The following NRG2 variants were observed in gnomAD, a reference collection of about 807,000 sequenced individuals.
The protein encoded by NRG2 is neuregulin 2, also known as pro-neuregulin-2, membrane-bound isoform.
Under a neutral mutation model 73.9 loss-of-function variants are expected in NRG2, and 27 were observed. That is an observed-to-expected ratio of 0.37 (90% CI 0.27 to 0.50). The LOEUF is 0.50. NRG2 is among the 20% of genes least tolerant of loss of function. NRG2 has a pLI of 0.96. For missense variants in NRG2, 1,126 were observed against 1,210.1 expected (o/e 0.93, Z 1.03); for synonymous variants, 532 against 541.0 (o/e 0.98, Z 0.23).
At chr5:139,983,125 C>A (rs1737754627) in intron 1 of NRG2, among the ~76,000 whole-genome samples, 1 of 152,176 alleles carries the variant, frequency 6.6e-6, no homozygotes, top group South Asian at 2.1e-4. Flanking sequence ...TCATAGGATT[C>A]TCCTTGATTC....
chr5:139,882,374 G>T (rs1394941128), intron 2 of NRG2, among the ~76,000 whole-genome samples: 5 of 152,198 alleles, frequency 3.3e-5, no homozygotes. Context: ...CAACAAGGGT[G>T]CTACAAGATG....
intron 3 of NRG2, among the ~76,000 whole-genome samples, chr5:139,875,109 T>C (rs1002352476): frequency 6.6e-6 from 1 of 152,186 alleles, no homozygotes; most frequent in Non-Finnish European, 1.5e-5. Flanking sequence ...CCTCCCGGGT[T>C]CAAGCAATTC....
rs1005794158 is a variant in NRG2 at position 139,856,161 on chromosome 5, A to G, written c.1190-383T>C. 4 of 233,972 alleles carry G rather than the reference A, an allele frequency of 1.7e-5. No individual in the cohort carries two copies. Among genetic ancestry groups the G allele is most frequent in the Non-Finnish European group, 3.5e-5 (4 of 115,310 alleles). The allele number at this position is 233,972 out of a possible 1,614,324, so 14.5% of individuals were successfully genotyped here. On this transcript the variant is annotated intron_variant, in intron 5 of 9. Coordinates refer to ENST00000361474, the MANE Select transcript of NRG2 (RefSeq NM_004883.3). This position sits in a 1 kb window ranked among gnomAD's most constrained non-coding sequence, Gnocchi z 4.2. ...GGCCGGTGACCCTGCCCTGCTCCAC[A>G]GTGGCCTGGTAGCTGCAAAGAACCT... is the stretch of plus-strand genomic sequence containing the variant.
chr5:139,905,461 C>T (rs1765167406), intron 1 of NRG2, among the ~76,000 whole-genome samples: 1 of 152,202 alleles, frequency 6.6e-6, no homozygotes, highest in South Asian at 2.1e-4. Flanking sequence ...AGGAAGGGTC[C>T]GAAGGCCTCT....
chr5:139,951,798 C>T (rs961902264), intron 1 of NRG2, among the ~76,000 whole-genome samples: 1 of 152,232 alleles, frequency 6.6e-6, no homozygotes, highest in African/African-American at 2.4e-5. Flanking sequence ...CCTCCTATGG[C>T]ACGCCCTCCC....
chr5:139,980,023 CA>C (rs1412257252), intron 1 of NRG2, among the ~76,000 whole-genome samples: 1 of 152,160 alleles, frequency 6.6e-6, no homozygotes, highest in Non-Finnish European at 1.5e-5. Flanking sequence ...CAAAACAAAG[CA>C]AAACCCTCAG....
chr5:139,938,914 AAAG>A (rs1753107154), intron 1 of NRG2, among the ~76,000 whole-genome samples: 17 of 106,640 alleles, frequency 1.6e-4, no homozygotes, highest in Admixed American at 4.9e-4. Flanking sequence ...GAAAAGAAAG[AAAG>A]AAAGAAAGAA....
At chr5:139,943,313 A>T (rs927752211) in intron 1 of NRG2, among the ~76,000 whole-genome samples, 4 of 150,460 alleles carry the variant, frequency 2.7e-5, no homozygotes, top group South Asian at 2.1e-4. Context: ...TGCCTGGCTA[A>T]TTTTTTTTGT....
At position 140,002,805 on chromosome 5, in the gene NRG2, T is replaced by C. The variant is rs765912602; in HGVS notation, c.700+39565A>G. Among the ~76,000 whole-genome samples the C allele has an allele frequency of 1.1e-4, 16 of 152,306 alleles. 1 individual carries two copies. The highest frequency in any genetic ancestry group is 6.8e-3 in the Middle Eastern group (2 of 294). Reference sequence around the variant, plus strand: ...GAAGCAGAGAGACCAATTTGAAGGCTATTAAAACAACTAGGCAAGAGATAA... The same window carrying C: ...GAAGCAGAGAGACCAATTTGAAGGCCATTAAAACAACTAGGCAAGAGATAA... On this transcript the variant is annotated intron_variant, in intron 1 of 9. Transcript: ENST00000361474.
chr5:139,964,360 AC>A (rs1755323015), intron 1 of NRG2, among the ~76,000 whole-genome samples: 1 of 93,456 alleles, frequency 1.1e-5, no homozygotes, highest in African/African-American at 6.0e-5. Flanking sequence ...ATACAGATAC[AC>A]ACACACACAC....
intron 1 of NRG2, among the ~76,000 whole-genome samples, chr5:139,936,091 C>T (rs1296125182): frequency 6.6e-6 from 1 of 151,632 alleles, no homozygotes; most frequent in East Asian, 1.9e-4. Flanking sequence ...AGAAAGGTTT[C>T]AATCAGTGAA....
At chr5:139,964,385 C>T (rs577964309) in intron 1 of NRG2, among the ~76,000 whole-genome samples, 2 of 150,704 alleles carry the variant, frequency 1.3e-5, no homozygotes, top group Admixed American at 6.6e-5. Flanking sequence ...CACACACACA[C>T]ACACACGGAT....
At chr5:139,953,394 G>A (rs1323233014) in intron 1 of NRG2, among the ~76,000 whole-genome samples, 1 of 152,150 alleles carries the variant, frequency 6.6e-6, no homozygotes. Flanking sequence ...ATGAAGCCAG[G>A]CATTCTGGAT....
chr5:139,872,298 T>C (rs1762910314), intron 3 of NRG2, among the ~76,000 whole-genome samples: 1 of 152,186 alleles, frequency 6.6e-6, no homozygotes, highest in African/African-American at 2.4e-5. Flanking sequence ...TGGGCTCTCA[T>C]GGTGGACCAG....
intron 1 of NRG2, among the ~76,000 whole-genome samples, chr5:140,025,212 C>A (rs1760591249): frequency 6.6e-6 from 1 of 152,176 alleles, no homozygotes; most frequent in Non-Finnish European, 1.5e-5. Context: ...CTTCTGCTTG[C>A]TGGATTCAGA....
At chr5:139,971,191 G>A (rs1220165009) in intron 1 of NRG2, among the ~76,000 whole-genome samples, 1 of 152,150 alleles carries the variant, frequency 6.6e-6, no homozygotes, top group African/African-American at 2.4e-5. Context: ...GGCCCTTAAA[G>A]TTTCCCTGAG....
intron 1 of NRG2, among the ~76,000 whole-genome samples, chr5:139,965,025 A>G (rs1182538626): frequency 1.3e-5 from 2 of 152,226 alleles, no homozygotes; most frequent in Non-Finnish European, 2.9e-5. Flanking sequence ...ATGCACGGGC[A>G]CTAGGATTTT....
chr5:139,984,194 G>C (rs71581523), intron 1 of NRG2, among the ~76,000 whole-genome samples: 5,503 of 152,088 alleles, frequency 0.036, 136 homozygotes, highest in South Asian at 0.11. Context: ...TTATACACAA[G>C]GCTGTTCAAC....
At chr5:139,873,684 C>T (rs1763001008) in intron 3 of NRG2, among the ~76,000 whole-genome samples, 1 of 152,274 alleles carries the variant, frequency 6.6e-6, no homozygotes, top group Admixed American at 6.5e-5. Flanking sequence ...CAGCCTGGAT[C>T]TGCCAGGCCC....
Sources: gnomAD v4.1 joint callset for allele counts (sites outside exome capture counted in the v4.1 genomes callset) on GRCh38, gnomAD v4.1.1 for gene constraint, Gnocchi (gnomAD v3.1) non-coding constraint, MANE v1.5 for transcripts, NCBI Gene and HGNC (gene_info 2026-07-23, HGNC 2026-07-21) for gene names.